The following HNF4G variants were observed in gnomAD, a reference collection of about 807,000 sequenced individuals.
The protein encoded by HNF4G is hepatocyte nuclear factor 4-gamma.
Under a neutral mutation model 50.9 loss-of-function variants are expected in HNF4G, and 21 were observed. The observed-to-expected ratio is 0.41, with a 90% CI of 0.29 to 0.59. The LOEUF is 0.59. HNF4G is among the 20% of genes least tolerant of loss of function. HNF4G has a pLI of 0.26. For synonymous variants in HNF4G, 198 were observed against 185.6 expected, an observed-to-expected ratio of 1.07 and a Z score of -0.54; for missense variants, 527 against 559.4, an observed-to-expected ratio of 0.94 and a Z score of 0.58.
intron 1 of HNF4G, among the ~76,000 whole-genome samples, chr8:75,542,749 A>G (rs1806665358): frequency 6.6e-6 from 1 of 152,124 alleles, no homozygotes; most frequent in Admixed American, 6.5e-5. Context: ...CTACAGCAAT[A>G]TCACTTAGGT....
chr8:75,444,015 G>A (rs1000138275), intron 1 of HNF4G, among the ~76,000 whole-genome samples: 1 of 152,100 alleles, frequency 6.6e-6, no homozygotes, highest in African/African-American at 2.4e-5. Flanking sequence ...AGAAAACCTA[G>A]GGCAGCCAGA....
chr8:75,559,973 C>T (rs1807259622), intron 8 of HNF4G, among the ~76,000 whole-genome samples: 1 of 152,028 alleles, frequency 6.6e-6, no homozygotes, highest in South Asian at 2.1e-4. Context: ...ATAATTTGTT[C>T]CTAATGATAT....
intron 6 of HNF4G, among the ~76,000 whole-genome samples, chr8:75,557,536 A>C (rs1028478101): frequency 6.6e-6 from 1 of 152,170 alleles, no homozygotes; most frequent in Non-Finnish European, 1.5e-5. Flanking sequence ...CATGAGAATC[A>C]CTTGAACCTG....
At chr8:75,496,848 G>T (rs2926582) in intron 2 of HNF4G, among the ~76,000 whole-genome samples, 42,462 of 151,574 alleles carry the variant, frequency 0.28, 7,415 homozygotes, top group African/African-American at 0.5. Context: ...AAGATAGGTT[G>T]TGCTATGTCT....
At chr8:75,443,096 C>T (rs1811325717) in intron 1 of HNF4G, among the ~76,000 whole-genome samples, 1 of 152,144 alleles carries the variant, frequency 6.6e-6, no homozygotes, top group Non-Finnish European at 1.5e-5. Context: ...TCCTTTATAA[C>T]AGAGGCCCTA....
chr8:75,491,530 A>G (rs988297590), intron 2 of HNF4G, among the ~76,000 whole-genome samples: 3 of 151,164 alleles, frequency 2.0e-5, no homozygotes, highest in Non-Finnish European at 4.4e-5. Context: ...GCTGGAGTGT[A>G]GTGGTGCGAT....
intron 1 of HNF4G, among the ~76,000 whole-genome samples, chr8:75,423,775 C>CATATA (rs1407764426): frequency 7.0e-6 from 1 of 143,872 alleles, no homozygotes; most frequent in African/African-American, 2.5e-5. Context: ...ATCCAGCACA[C>CATATA]ATATACTTCC....
At chr8:75,501,793 G>A (rs1812934630) in intron 2 of HNF4G, among the ~76,000 whole-genome samples, 1 of 151,916 alleles carries the variant, frequency 6.6e-6, no homozygotes, top group African/African-American at 2.4e-5. Context: ...ACTGAATCAA[G>A]CTAATTAACA....
intron 1 of HNF4G, among the ~76,000 whole-genome samples, chr8:75,436,420 G>A (rs774949347): frequency 4.6e-5 from 7 of 152,058 alleles, no homozygotes; most frequent in African/African-American, 1.2e-4. Flanking sequence ...TTATTACAAC[G>A]TATTGTTAGT....
At chr8:75,411,630 A>G (rs1318138663) in intron 1 of HNF4G, among the ~76,000 whole-genome samples, 1 of 152,112 alleles carries the variant, frequency 6.6e-6, no homozygotes, top group African/African-American at 2.4e-5. Flanking sequence ...TAGGGAGTTC[A>G]CTTTTTTTCT....
chr8:75,506,385 G>A (rs1025065449), intron 2 of HNF4G, among the ~76,000 whole-genome samples: 1 of 151,724 alleles, frequency 6.6e-6, no homozygotes. Flanking sequence ...TATCTTCCAC[G>A]TTCACTGGCT....
chr8:75,451,945 T>G (rs76185957), intron 1 of HNF4G, among the ~76,000 whole-genome samples: 1 of 152,150 alleles, frequency 6.6e-6, no homozygotes, highest in African/African-American at 2.4e-5. Flanking sequence ...GAAGATTTCA[T>G]GCACAATGTC....
chr8:75,561,095 T>C (rs146883479), intron 9 of HNF4G, among the ~76,000 whole-genome samples: 5 of 152,330 alleles, frequency 3.3e-5, no homozygotes, highest in African/African-American at 1.2e-4. Context: ...GTTTTACTCG[T>C]TGGGAAGTTT....
At chr8:75,541,332 C>A (rs1806615939) in intron 1 of HNF4G, among the ~76,000 whole-genome samples, 1 of 152,072 alleles carries the variant, frequency 6.6e-6, no homozygotes. Context: ...GTAAGTATGG[C>A]ACTAAACTTG....
At chr8:75,473,953 A>G (rs1001276618) in intron 1 of HNF4G, among the ~76,000 whole-genome samples, 2 of 152,240 alleles carry the variant, frequency 1.3e-5, no homozygotes, top group Non-Finnish European at 2.9e-5. Context: ...AAACGGAAAC[A>G]AAAAACAAAA....
At chr8:75,504,984 A>G (rs532672760) in intron 2 of HNF4G, among the ~76,000 whole-genome samples, 1 of 152,276 alleles carries the variant, frequency 6.6e-6, no homozygotes, top group South Asian at 2.1e-4. Flanking sequence ...TCCACTCATT[A>G]ATATAGGTGA....
At chr8:75,556,344 A>T (rs1807125547) in intron 6 of HNF4G, among the ~76,000 whole-genome samples, 1 of 152,166 alleles carries the variant, frequency 6.6e-6, no homozygotes, top group Admixed American at 6.5e-5. Flanking sequence ...GTATGTTCAA[A>T]TTATATCAGA....
At chr8:75,433,502 GA>G (rs1327552094) in intron 1 of HNF4G, among the ~76,000 whole-genome samples, 2 of 151,184 alleles carry the variant, frequency 1.3e-5, no homozygotes, top group Non-Finnish European at 2.9e-5. Context: ...AACTCAACAA[GA>G]AAATATGATT....
In HNF4G at chr8:75,515,093, T is replaced by C. The variant is rs960402411; in HGVS notation, c.-24+24885T>C. On this transcript the variant is annotated intron_variant, in intron 2 of 10. Coordinates refer to the HNF4G transcript ENST00000354370. ...TTTAGTTCATGCTCAACAATGTCTA[T>C]GTATTGCTTTGTTTACTAGTCTTTC... 7.2e-5 allele frequency among the ~76,000 whole-genome samples: 11 copies of C among 152,310 alleles called. No homozygotes were observed. In the East Asian group the frequency reaches 1.9e-3, roughly 27 times the overall value.
Sources: allele counts gnomAD v4.1 joint callset (sites outside exome capture counted in the v4.1 genomes callset), GRCh38; gene constraint gnomAD v4.1.1; transcripts MANE v1.5; gene names NCBI Gene and HGNC (gene_info 2026-07-23, HGNC 2026-07-21).